The following SORCS1 variants were observed in gnomAD, a reference collection of about 807,000 sequenced individuals.
SORCS1 encodes VPS10 domain-containing receptor SorCS1.
SORCS1 carries 60 observed loss-of-function variants against 146.1 expected under a neutral mutation model. The observed-to-expected ratio is 0.41, with a 90% confidence interval of 0.33 to 0.51. SORCS1 has a LOEUF of 0.51. SORCS1 is among the 20% of genes least tolerant of loss of function. The pLI is 0.21. For synonymous variants in SORCS1, 637 were observed against 584.0 expected (o/e 1.09, Z -1.31); for missense variants, 1,352 against 1,487.6 (o/e 0.91, Z 1.50).
intron 1 of SORCS1, among the ~76,000 whole-genome samples, chr10:106,993,685 G>A (rs924333114): frequency 6.6e-6 from 1 of 151,674 alleles, no homozygotes; most frequent in Non-Finnish European, 1.5e-5. Context: ...GTATACATGA[G>A]GGAAAAAAAA....
At chr10:107,031,729 T>G (rs1485926965) in intron 1 of SORCS1, among the ~76,000 whole-genome samples, 2 of 152,084 alleles carry the variant, frequency 1.3e-5, no homozygotes, top group East Asian at 3.9e-4. Context: ...CTCCTCGCCC[T>G]GTCAAAGTGC....
chr10:106,918,115 T>A (rs1454429125), intron 2 of SORCS1, among the ~76,000 whole-genome samples: 1 of 152,210 alleles, frequency 6.6e-6, no homozygotes, highest in Non-Finnish European at 1.5e-5. Context: ...CCTGTTTTAC[T>A]GAAGTGCCTT....
At chr10:106,775,191 A>G (rs1293294854) in intron 4 of SORCS1, among the ~76,000 whole-genome samples, 1 of 152,010 alleles carries the variant, frequency 6.6e-6, no homozygotes, top group South Asian at 2.1e-4. Flanking sequence ...GGTGGGGGGG[A>G]ATTAACCAAC....
intron 1 of SORCS1, among the ~76,000 whole-genome samples, chr10:107,003,476 T>G (rs1323942639): frequency 7.2e-6 from 1 of 139,202 alleles, no homozygotes; most frequent in African/African-American, 2.8e-5. Flanking sequence ...GTGTGTGTAG[T>G]AATCCACAGA....
chr10:106,869,144 G>T (rs575681803), intron 2 of SORCS1, among the ~76,000 whole-genome samples: 1 of 152,202 alleles, frequency 6.6e-6, no homozygotes, highest in East Asian at 1.9e-4. Context: ...GAACCAGAAA[G>T]AAATTGATTC....
chr10:106,902,673 G>A (rs566438589), intron 2 of SORCS1, among the ~76,000 whole-genome samples: 1 of 152,330 alleles, frequency 6.6e-6, no homozygotes, highest in South Asian at 2.1e-4. Context: ...TATAAAATAT[G>A]CATGCATACT....
At chr10:107,133,783 A>G (rs747372839) in intron 1 of SORCS1, among the ~76,000 whole-genome samples, 2 of 152,190 alleles carry the variant, frequency 1.3e-5, no homozygotes, top group African/African-American at 4.8e-5. Flanking sequence ...AAATGTGCCA[A>G]CCAAAAACAA....
At chr10:106,671,517 G>T (rs1851602754) in intron 15 of SORCS1, 150 bp from the exon 16 acceptor site, 2 of 1,051,460 alleles carry the variant, frequency 1.9e-6, no homozygotes, top group Non-Finnish European at 2.8e-6. Flanking sequence ...TCCTTTTGCG[G>T]TCTAGAGCCC....
intron 2 of SORCS1, among the ~76,000 whole-genome samples, chr10:106,863,917 C>T (rs1233654264): frequency 6.6e-6 from 1 of 151,986 alleles, no homozygotes; most frequent in East Asian, 1.9e-4. Flanking sequence ...GAGATGAACA[C>T]TGTGTAGACG....
intron 1 of SORCS1, among the ~76,000 whole-genome samples, chr10:107,074,499 A>G (rs1449863533): frequency 6.6e-6 from 1 of 152,222 alleles, no homozygotes; most frequent in Non-Finnish European, 1.5e-5. Context: ...CAAAGCTGCT[A>G]TAAACAGTGG....
At chr10:107,001,311 G>A (rs758871778) in intron 1 of SORCS1, among the ~76,000 whole-genome samples, 11 of 152,172 alleles carry the variant, frequency 7.2e-5, no homozygotes, top group Admixed American at 1.3e-4. Flanking sequence ...GCAGTGGGGA[G>A]TGCAATGGGA....
chr10:106,963,044 T>C (rs73380994), intron 1 of SORCS1, among the ~76,000 whole-genome samples: 7,350 of 151,672 alleles, frequency 0.048, 590 homozygotes, highest in African/African-American at 0.17. Context: ...CTGAAGAGAT[T>C]TGGAATAATC....
chr10:107,161,025 A>C (rs1969661799), intron 1 of SORCS1, among the ~76,000 whole-genome samples: 1 of 152,160 alleles, frequency 6.6e-6, no homozygotes, highest in Non-Finnish European at 1.5e-5. Flanking sequence ...CAGGTGTTCC[A>C]CCAACTCTAG....
chr10:106,826,076 A>G (rs1948291088), intron 3 of SORCS1, among the ~76,000 whole-genome samples: 1 of 152,156 alleles, frequency 6.6e-6, no homozygotes, highest in African/African-American at 2.4e-5. Flanking sequence ...TTTATTCTGG[A>G]CTCTGATCCC....
intron 24 of SORCS1, among the ~76,000 whole-genome samples, chr10:106,591,093 G>A (rs1845576871): frequency 6.6e-6 from 1 of 152,170 alleles, no homozygotes; most frequent in South Asian, 2.1e-4. Flanking sequence ...GCAGTCCAAG[G>A]TACGTGACCA....
At chr10:106,847,907 C>A (rs1589541406) in intron 2 of SORCS1, among the ~76,000 whole-genome samples, 1 of 150,660 alleles carries the variant, frequency 6.6e-6, no homozygotes, top group Non-Finnish European at 1.5e-5. Flanking sequence ...CAGTGAGATT[C>A]TTAATCCTGA....
chr10:106,881,293 T>A (rs1228065509), intron 2 of SORCS1, among the ~76,000 whole-genome samples: 1 of 152,128 alleles, frequency 6.6e-6, no homozygotes, highest in Non-Finnish European at 1.5e-5. Context: ...CTCTGCAAAA[T>A]AGGAACAGCA....
intron 23 of SORCS1, chr10:106,600,310 A>C: frequency 1.0e-6 from 1 of 965,780 alleles, no homozygotes; most frequent in South Asian, 4.8e-5. Flanking sequence ...AGGAAATTTA[A>C]ATTTAAAAAT....
At chr10:106,728,416 G>T (rs1856361103) in intron 6 of SORCS1, among the ~76,000 whole-genome samples, 1 of 152,322 alleles carries the variant, frequency 6.6e-6, no homozygotes, top group African/African-American at 2.4e-5. Context: ...GAGGAGGTGG[G>T]AAAGCTGCTC....
Sources: allele counts gnomAD v4.1 joint callset (sites outside exome capture counted in the v4.1 genomes callset), GRCh38; gene constraint gnomAD v4.1.1; transcripts MANE v1.5; gene names NCBI Gene and HGNC (gene_info 2026-07-23, HGNC 2026-07-21).